DTD1: variants seen among roughly 807,000 people sequenced by gnomAD.
DTD1 encodes D-aminoacyl-tRNA deacylase 1.
Under a neutral mutation model 25.6 loss-of-function variants are expected in DTD1, and 13 were observed. That is an observed-to-expected ratio of 0.51 (90% CI 0.33 to 0.81). The LOEUF is 0.81. DTD1 is among the 30% of genes least tolerant of loss of function. DTD1 has a pLI of 0.02. For missense variants in DTD1, 193 were observed against 266.4 expected (o/e 0.72, Z 1.92); for synonymous variants, 110 against 103.6 (o/e 1.06, Z -0.37).
At chr20:18,732,724 T>A (rs2061242683) in intron 4 of DTD1, among the ~76,000 whole-genome samples, 1 of 152,210 alleles carries the variant, frequency 6.6e-6, no homozygotes, top group Non-Finnish European at 1.5e-5. Flanking sequence ...CTAGAGTGTA[T>A]CGTTTGTCAC....
intron 4 of DTD1, among the ~76,000 whole-genome samples, chr20:18,708,272 TA>T (rs2061140364): frequency 1.5e-4 from 3 of 20,392 alleles, no homozygotes; most frequent in Admixed American, 6.8e-4. Flanking sequence ...ATTTTATATA[TA>T]TATAATATAT....
intron 4 of DTD1, among the ~76,000 whole-genome samples, chr20:18,677,262 T>C (rs1382371232): frequency 6.6e-6 from 1 of 152,050 alleles, no homozygotes; most frequent in Non-Finnish European, 1.5e-5. Context: ...TTCCATTGAG[T>C]AGATAACATG....
At chr20:18,721,355 T>C (rs1274571727) in intron 4 of DTD1, among the ~76,000 whole-genome samples, 4 of 152,214 alleles carry the variant, frequency 2.6e-5, no homozygotes, top group Non-Finnish European at 4.4e-5. Flanking sequence ...CACTTGTTAA[T>C]GTAGTGATTA....
intron 4 of DTD1, among the ~76,000 whole-genome samples, chr20:18,743,727 A>G (rs1368302848): frequency 5.3e-5 from 8 of 151,948 alleles, no homozygotes; most frequent in Admixed American, 5.2e-4. Context: ...AACAAGTAGA[A>G]GGTAACTTGA....
At chr20:18,609,441 C>G (rs1399077101) in intron 3 of DTD1, among the ~76,000 whole-genome samples, 2 of 152,140 alleles carry the variant, frequency 1.3e-5, no homozygotes, top group Non-Finnish European at 2.9e-5. Flanking sequence ...CGTGAGCCAC[C>G]AAGCCCATCC....
At chr20:18,591,666 A>G (rs954478507) in intron 1 of DTD1, among the ~76,000 whole-genome samples, 2 of 152,198 alleles carry the variant, frequency 1.3e-5, no homozygotes, top group Non-Finnish European at 2.9e-5. Flanking sequence ...TATAATCCTT[A>G]CTTTGATGAT....
At chr20:18,631,670 C>T (rs2122319490) in intron 4 of DTD1, 1 of 985,428 alleles carries the variant, frequency 1.0e-6, no homozygotes, top group Non-Finnish European at 1.2e-6. Context: ...ACTTTTGCCC[C>T]TGGAAATGGC....
At chr20:18,595,631 A>G (rs1349912352) in intron 2 of DTD1, among the ~76,000 whole-genome samples, 1 of 152,198 alleles carries the variant, frequency 6.6e-6, no homozygotes, top group African/African-American at 2.4e-5. Context: ...TTATCCTAAC[A>G]TGATGAATTC....
chr20:18,756,662 G>A (rs555572987), intron 5 of DTD1, among the ~76,000 whole-genome samples: 1 of 152,038 alleles, frequency 6.6e-6, no homozygotes, highest in African/African-American at 2.4e-5. Flanking sequence ...ATGCTGTTTT[G>A]GTTACTGTAG....
chr20:18,658,001 C>T (rs538831478), intron 4 of DTD1, among the ~76,000 whole-genome samples: 9 of 152,124 alleles, frequency 5.9e-5, no homozygotes, highest in African/African-American at 1.4e-4. Context: ...TACCAGGAGG[C>T]AAGGATACTT....
chr20:18,645,517 T>G (rs2060847009), intron 4 of DTD1, among the ~76,000 whole-genome samples: 1 of 152,338 alleles, frequency 6.6e-6, no homozygotes, highest in East Asian at 1.9e-4. Context: ...GAAGTCTCTG[T>G]GTGCCTGTTG....
At chr20:18,664,318 T>C (rs1483647184) in intron 4 of DTD1, among the ~76,000 whole-genome samples, 1 of 152,244 alleles carries the variant, frequency 6.6e-6, no homozygotes, top group African/African-American at 2.4e-5. Flanking sequence ...GAAGGAATAA[T>C]ACAATGAATG....
At chr20:18,727,545 A>G (rs1381995866) in intron 4 of DTD1, among the ~76,000 whole-genome samples, 1 of 152,086 alleles carries the variant, frequency 6.6e-6, no homozygotes, top group Non-Finnish European at 1.5e-5. Context: ...GTTATTCTGT[A>G]ATGAGTTTTA....
intron 4 of DTD1, among the ~76,000 whole-genome samples, chr20:18,661,061 T>G (rs186685897): frequency 6.6e-6 from 1 of 152,332 alleles, no homozygotes; most frequent in African/African-American, 2.4e-5. Flanking sequence ...CTAGTTAGAC[T>G]TGTGTGGTCT....
At chr20:18,684,946 A>G (rs964352329) in intron 4 of DTD1, among the ~76,000 whole-genome samples, 3 of 151,202 alleles carry the variant, frequency 2.0e-5, no homozygotes, top group Middle Eastern at 3.4e-3. Flanking sequence ...TTTCACTGTT[A>G]CCCAAGCTGG....
intron 4 of DTD1, among the ~76,000 whole-genome samples, chr20:18,649,556 C>G (rs925421625): frequency 1.3e-5 from 2 of 151,816 alleles, no homozygotes; most frequent in Admixed American, 6.6e-5. Flanking sequence ...CCAGGATGGT[C>G]TCAATCTCCT....
At chr20:18,694,146 G>A (rs938037276) in intron 4 of DTD1, among the ~76,000 whole-genome samples, 9 of 152,184 alleles carry the variant, frequency 5.9e-5, no homozygotes, top group Non-Finnish European at 1.0e-4. Flanking sequence ...GGGATGCTGT[G>A]AGGAGCAACA....
At chr20:18,729,914 C>T (rs1254218488) in intron 4 of DTD1, among the ~76,000 whole-genome samples, 1 of 152,032 alleles carries the variant, frequency 6.6e-6, no homozygotes, top group Non-Finnish European at 1.5e-5. Context: ...ACATGTGTGT[C>T]CCTAGGCAGG....
chr20:18,720,754 A>G (rs1002960407), intron 4 of DTD1, among the ~76,000 whole-genome samples: 2 of 152,172 alleles, frequency 1.3e-5, no homozygotes, highest in African/African-American at 4.8e-5. Context: ...GCTACTCAAG[A>G]GGCTGAGGTG....
Sources: gnomAD v4.1 joint callset for allele counts (sites outside exome capture counted in the v4.1 genomes callset) on GRCh38, gnomAD v4.1.1 for gene constraint, MANE v1.5 for transcripts, NCBI Gene and HGNC (gene_info 2026-07-23, HGNC 2026-07-21) for gene names.